BOD1L1: variants seen among roughly 807,000 people sequenced by gnomAD.
BOD1L1 encodes the protein biorientation of chromosomes in cell division protein 1-like 1.
Under a neutral mutation model 240.7 loss-of-function variants are expected in BOD1L1, and 86 were observed. That is an observed-to-expected ratio of 0.36 (90% CI 0.30 to 0.43). BOD1L1 has a LOEUF of 0.43. Ranked by LOEUF, BOD1L1 falls within the 20% of genes least tolerant of loss-of-function variation. The probability of loss-of-function intolerance (pLI) is 1.00; values close to 1 mark genes in which losing one functional copy is unlikely to be tolerated. For missense variants in BOD1L1, 3,554 were observed against 3,643.5 expected (o/e 0.98, Z 0.63); for synonymous variants, 1,268 against 1,272.3 (o/e 1.00, Z 0.07).
At position 13,599,422 on chromosome 4, in the gene BOD1L1, C is replaced by G; in HGVS notation, c.7478G>C (p.Arg2493Thr). The G allele has an allele frequency of 6.2e-7, 1 of 1,614,034 alleles. No homozygotes were observed. Among genetic ancestry groups the G allele is most frequent in the Non-Finnish European group, 8.5e-7 (1 of 1,179,900 alleles). The change falls in exon 10 of 26, where the codon AGG becomes ACG. Residue 2493 changes from arginine to threonine, a missense_variant. Around this residue, in one of 2 missense-constraint regions of BOD1L1, gnomAD observed 3,393 missense variants for 3,427.1 expected, o/e 0.99. Coordinates refer to ENST00000040738, the MANE Select transcript of BOD1L1 (RefSeq NM_148894.3). ...TGAGTTAGCATTCCCCTCTAAGCCC[C>G]TTCCTGCTGAATAACTTGCTGTGCT... ...GSSTASYSAG[R>T]GLEGNANSPA...
intron 2 of BOD1L1, 145 bp from the exon 3 acceptor site, chr4:13,615,647 C>T: frequency 2.6e-6 from 2 of 773,052 alleles, no homozygotes; most frequent in East Asian, 2.8e-5. Flanking sequence ...TGGATATAGA[C>T]AATGGAAACT....
intron 17 of BOD1L1, among the ~76,000 whole-genome samples, chr4:13,584,151 C>T (rs182467477): frequency 6.6e-6 from 1 of 152,260 alleles, no homozygotes; most frequent in Admixed American, 6.5e-5. Flanking sequence ...CGTGGTTCTA[C>T]CATTTCTTCT....
Position 13,605,114 on chromosome 4 carries a change from A to T in BOD1L1, c.1816-30T>A. On this transcript the variant is annotated intron_variant, in intron 9 of 25. Coordinates refer to ENST00000040738, the MANE Select transcript of BOD1L1 (RefSeq NM_148894.3). ...AAGAAAACAAAGGTTAAAATATGAG[A>T]AATACCAAAATCAATTTTTAGATTA... 2.8e-6 allele frequency: 4 copies of T among 1,448,706 alleles called. No individual in the cohort carries two copies. In the South Asian group the frequency reaches 4.4e-5, roughly 16 times the overall value. The allele number at this position is 1,448,706 out of a possible 1,614,324, so 89.7% of individuals were successfully genotyped here. A position where few individuals can be genotyped will look rare whatever the true frequency, so the allele number is the denominator to read the frequency against.
chr4:13,586,392 A>T lies in BOD1L1; in HGVS notation c.8433+4T>A, dbSNP rs375248977. The stretch of plus-strand genomic sequence containing the variant: ...AACTTAAAACTAATATGTGGAAAAA[A>T]TACCTTTGTGTCATGTGGCTCCGTT... On this transcript the variant is annotated splice_donor_region_variant and intron_variant, in intron 17 of 25. Coordinates refer to ENST00000040738, the MANE Select transcript of BOD1L1 (RefSeq NM_148894.3). 173 of 1,605,242 alleles carry T rather than the reference A, an allele frequency of 1.1e-4. No homozygotes were observed. The African/African-American group carries it at 2.1e-3, about 20-fold the overall frequency.
intron 10 of BOD1L1, among the ~76,000 whole-genome samples, chr4:13,598,620 C>T (rs1271941350): frequency 6.6e-6 from 1 of 152,064 alleles, no homozygotes; most frequent in Admixed American, 6.5e-5. Flanking sequence ...TGACAAAAAA[C>T]CTGTAGGTCA....
At chr4:13,605,367 A>G (rs1365281050) in intron 9 of BOD1L1, among the ~76,000 whole-genome samples, 1 of 152,224 alleles carries the variant, frequency 6.6e-6, no homozygotes, top group African/African-American at 2.4e-5. Context: ...GAACAATTTT[A>G]TGAGATTATT....
At chr4:13,605,610 C>T (rs948721132) in intron 9 of BOD1L1, among the ~76,000 whole-genome samples, 1 of 152,052 alleles carries the variant, frequency 6.6e-6, no homozygotes, top group Non-Finnish European at 1.5e-5. Flanking sequence ...CACTAATGCC[C>T]AGTACTCAAT....
At position 13,601,110 on chromosome 4, in the gene BOD1L1, A is replaced by G. The variant is rs1715114414; in HGVS notation, c.5790T>C (p.Asn1930=). Residue 1930 remains asparagine (N), a synonymous_variant, in exon 10 of 26, where the codon AAT becomes AAC. Coordinates refer to ENST00000040738, the MANE Select transcript of BOD1L1 (RefSeq NM_148894.3). ...GAAIMNANEN[N]VDSMSGTEKG... is the part of the protein sequence containing the mutation. ...TCTCTGTGCCACTCATGCTGTCAAC[A>G]TTATTTTCATTTGCATTCATGATGG... The G allele has an allele frequency of 1.9e-6, 3 of 1,613,786 alleles. No individual in the cohort carries two copies. The South Asian group carries it at 3.3e-5, about 18-fold the overall frequency.
At chr4:13,578,907 C>T (rs1490393201) in intron 22 of BOD1L1, among the ~76,000 whole-genome samples, 1 of 152,170 alleles carries the variant, frequency 6.6e-6, no homozygotes, top group East Asian at 1.9e-4. Context: ...AGGGTGCATA[C>T]ATACATTCTT....
intron 3 of BOD1L1, 115 bp downstream of exon 3, chr4:13,615,197 C>G: frequency 9.2e-7 from 1 of 1,086,726 alleles, no homozygotes; most frequent in Non-Finnish European, 1.3e-6. Flanking sequence ...ATTTAAAGTA[C>G]AATTTCATTG....
chr4:13,600,946 T>C lies in BOD1L1; in HGVS notation c.5954A>G (p.Asp1985Gly), dbSNP rs754969959. 2 of 1,613,900 alleles carry C rather than the reference T, an allele frequency of 1.2e-6. No homozygotes were observed. The highest frequency in any genetic ancestry group is 1.7e-6 in the Non-Finnish European group (2 of 1,179,864). Reference protein sequence around the residue: ...CEGPMTSAASDQSDSQLEKVE... With the variant: ...CEGPMTSAASGQSDSQLEKVE... ...TTTTTCGAGCTGACTGTCACTTTGA[T>C]CAGATGCAGCACTAGTCATAGGACC... is the stretch of plus-strand genomic sequence containing the variant. Residue 1985 changes from aspartate (D) to glycine (G), a missense_variant, in exon 10 of 26, where the codon GAT becomes GGT. Asp to Gly is a moderately conservative substitution (Grantham distance 94). This residue lies in a region of BOD1L1 where 3,393 missense variants were observed against 3,427.1 expected (regional missense o/e 0.99). Coordinates refer to ENST00000040738, the MANE Select transcript of BOD1L1 (RefSeq NM_148894.3).
intron 25 of BOD1L1, among the ~76,000 whole-genome samples, chr4:13,576,436 T>C (rs1472593936): frequency 6.6e-6 from 1 of 152,200 alleles, no homozygotes; most frequent in East Asian, 1.9e-4. Flanking sequence ...ATGCATGTGA[T>C]GACGGTGCGT....
intron 2 of BOD1L1, among the ~76,000 whole-genome samples, 168 bp downstream of exon 2, chr4:13,619,775 A>T (rs968126328): frequency 4.6e-5 from 7 of 152,222 alleles, no homozygotes; most frequent in Non-Finnish European, 8.8e-5. Context: ...ATGTGAAGTG[A>T]TTAGACCCAA....
intron 19 of BOD1L1, among the ~76,000 whole-genome samples, 156 bp from the exon 20 acceptor site, chr4:13,581,363 T>C (rs1376893551): frequency 6.6e-6 from 1 of 152,204 alleles, no homozygotes; most frequent in Non-Finnish European, 1.5e-5. Flanking sequence ...GGGCTTAGTG[T>C]TTTATTTACT....
chr4:13,626,786 C>A (rs939032803), intron 1 of BOD1L1, among the ~76,000 whole-genome samples: 6 of 152,148 alleles, frequency 3.9e-5, no homozygotes, highest in Admixed American at 6.5e-5. Flanking sequence ...TCCCTTCTTA[C>A]CTTAGAATGG....
intron 11 of BOD1L1, 112 bp downstream of exon 11, chr4:13,596,992 A>AT: frequency 1.2e-6 from 1 of 837,018 alleles, no homozygotes; most frequent in Non-Finnish European, 1.9e-6. Flanking sequence ...ACTAAATATC[A>AT]TAAGTACAAT....
In BOD1L1 at chr4:13,610,862, C is replaced by A. The variant is rs1491251; in HGVS notation, c.1491+72G>T. 1.7e-4 allele frequency: 221 copies of A among 1,317,468 alleles called. 1 individual carries two copies. In the South Asian group the frequency reaches 2.9e-3, roughly 17 times the overall value. 81.6% of individuals were successfully genotyped at this position (1,317,468 alleles called of 1,614,324 possible). On this transcript the variant is annotated intron_variant, in intron 6 of 25. Transcript: ENST00000040738. ...TCTCTGCTTCATATGCACATCAGTA[C>A]CTTGCAGATAGACTATTTAAGTTTG...
Position 13,603,000 on chromosome 4 carries a change from T to C in BOD1L1, c.3900A>G (p.Val1300=). 1 of 1,613,988 alleles carries C rather than the reference T, an allele frequency of 6.2e-7. No homozygotes were observed. Among genetic ancestry groups the C allele is most frequent in the Non-Finnish European group, 8.5e-7 (1 of 1,179,878 alleles). ...VPLRESYDPD[V]IPLFDKRTVL... ...CAGTTCTTTTGTCAAACAGAGGAATTACATCTGGATCATACGATTCCCTCA... is the reference window on the plus strand; with the variant it reads ...CAGTTCTTTTGTCAAACAGAGGAATCACATCTGGATCATACGATTCCCTCA... Residue 1300 remains valine (V), a synonymous_variant, in exon 10 of 26, where the codon GTA becomes GTG. Transcript: ENST00000040738.
chr4:13,578,938 A>T (rs1404575041), intron 22 of BOD1L1, among the ~76,000 whole-genome samples: 2 of 152,234 alleles, frequency 1.3e-5, no homozygotes, highest in African/African-American at 4.8e-5. Flanking sequence ...CTTTCTGCAG[A>T]TGTTACAATT....
Sources: allele counts gnomAD v4.1 joint callset (sites outside exome capture counted in the v4.1 genomes callset), GRCh38; gene constraint gnomAD v4.1.1; regional missense constraint gnomAD v4.1.1; transcripts MANE v1.5; gene names NCBI Gene and HGNC (gene_info 2026-07-23, HGNC 2026-07-21).